Variants in ITGA6 observed in about 807,000 individuals in gnomAD.
ITGA6 encodes integrin subunit alpha 6, also known as integrin alpha-6.
In ITGA6, 63 loss-of-function variants were observed where a neutral mutation model predicts 133.6. That is an observed-to-expected ratio of 0.47 (90% CI 0.38 to 0.58). The LOEUF (loss-of-function observed/expected upper bound fraction) is 0.58, where lower values mean the gene tolerates loss of function less well. Among genes scored for constraint, ITGA6 ranks in the 20% least tolerant of loss-of-function variants. ITGA6 has a pLI of 0.00. For synonymous variants in ITGA6, 434 were observed against 482.0 expected, an observed-to-expected ratio of 0.90 and a Z score of 1.30; for missense variants, 1,068 against 1,309.4, an observed-to-expected ratio of 0.82 and a Z score of 2.85.
chr2:172,478,719 G>A (rs1686290285), intron 9 of ITGA6, among the ~76,000 whole-genome samples: 1 of 152,200 alleles, frequency 6.6e-6, no homozygotes, highest in African/African-American at 2.4e-5. Flanking sequence ...AAGTTTAAAA[G>A]TTTAAGTTTT....
chr2:172,444,602 G>A (rs148644163), intron 1 of ITGA6, among the ~76,000 whole-genome samples: 6,972 of 77,500 alleles, frequency 0.09, 308 homozygotes, highest in East Asian at 0.38. Flanking sequence ...CCCGCCCCCC[G>A]CCAAAAAAAA....
intron 11 of ITGA6, among the ~76,000 whole-genome samples, chr2:172,483,959 C>G (rs1025316538): frequency 6.6e-6 from 1 of 152,062 alleles, no homozygotes; most frequent in Non-Finnish European, 1.5e-5. Context: ...TACAGGCATG[C>G]GCCACCAAGC....
At chr2:172,481,261 T>C (rs75381315) in intron 11 of ITGA6, among the ~76,000 whole-genome samples, 12,096 of 152,302 alleles carry the variant, frequency 0.079, 679 homozygotes, top group Middle Eastern at 0.15. Context: ...ATGTCCCTTA[T>C]AATATTCCAG....
chr2:172,460,283 G>C (rs914792972), intron 1 of ITGA6, among the ~76,000 whole-genome samples: 5 of 152,212 alleles, frequency 3.3e-5, no homozygotes, highest in African/African-American at 1.2e-4. Flanking sequence ...GTAGCTGGTA[G>C]ATAGCAAGAC....
chr2:172,505,058 T>G lies in ITGA6; in HGVS notation c.*990T>G, dbSNP rs970243952. On this transcript the variant is annotated 3_prime_UTR_variant, in exon 26 of 26. Coordinates refer to ENST00000684293, the MANE Select transcript of ITGA6 (RefSeq NM_000210.4). ...ACTGCAAAAAGAAAATCTTTATAAA[T>G]GTACCAGAGAGAGTTGTTTTAATAA... 1.3e-5 allele frequency: 2 copies of G among 152,660 alleles called. No individual in the cohort carries two copies. The highest frequency in any genetic ancestry group is 2.9e-5 in the Non-Finnish European group (2 of 68,036). 9.5% of individuals were successfully genotyped at this position (152,660 alleles called of 1,614,324 possible).
At chr2:172,488,932 C>G (rs140434714) in intron 19 of ITGA6, among the ~76,000 whole-genome samples, 2 of 152,144 alleles carry the variant, frequency 1.3e-5, no homozygotes, top group Non-Finnish European at 2.9e-5. Flanking sequence ...GGAACAGTCT[C>G]GACACCAAGA....
At chr2:172,448,729 G>C (rs1684868750) in intron 1 of ITGA6, among the ~76,000 whole-genome samples, 7 of 152,160 alleles carry the variant, frequency 4.6e-5, no homozygotes. Flanking sequence ...AAAATTCCGG[G>C]CTGGATTTGT....
chr2:172,461,387 T>C (rs147530343), intron 1 of ITGA6, among the ~76,000 whole-genome samples: 1,822 of 152,346 alleles, frequency 0.012, 13 homozygotes, highest in Non-Finnish European at 0.021. Context: ...GGTTTTGAAA[T>C]GATCTTAGTT....
At chr2:172,434,569 C>T (rs970927940) in intron 1 of ITGA6, among the ~76,000 whole-genome samples, 1 of 152,112 alleles carries the variant, frequency 6.6e-6, no homozygotes, top group East Asian at 1.9e-4. Flanking sequence ...CCTAAATTGG[C>T]AGAAAGACTG....
intron 1 of ITGA6, among the ~76,000 whole-genome samples, chr2:172,441,841 A>G (rs764323655): frequency 1.1e-4 from 17 of 152,112 alleles, no homozygotes; most frequent in Non-Finnish European, 1.9e-4. Flanking sequence ...TGTGCCTACA[A>G]TTCCCTTCTT....
At chr2:172,469,463 G>C in intron 4 of ITGA6, 83 bp downstream of exon 4, 1 of 941,418 alleles carries the variant, frequency 1.1e-6, no homozygotes, top group Non-Finnish European at 1.5e-6. Context: ...GCTAAAATGT[G>C]TTAGAAGACA....
At chr2:172,436,144 T>G (rs1272133318) in intron 1 of ITGA6, among the ~76,000 whole-genome samples, 1 of 152,174 alleles carries the variant, frequency 6.6e-6, no homozygotes, top group Admixed American at 6.5e-5. Flanking sequence ...AAGACCTCCA[T>G]GACTTTACAA....
In ITGA6 at chr2:172,429,284, A is replaced by G. The variant is rs528601310; in HGVS notation, c.182+1314A>G. The stretch of plus-strand genomic sequence containing the variant: ...GCTATATGCCTGGCCAGCTGCTTAT[A>G]CTCTGCTTTCTCTCAGAAATAATTG... On this transcript the variant is annotated intron_variant, in intron 1 of 25. Transcript: ENST00000684293. Among the ~76,000 whole-genome samples the G allele has an allele frequency of 5.3e-4, 81 of 151,830 alleles. 1 individual carries two copies. The highest frequency in any genetic ancestry group is 2.9e-3 in the South Asian group (14 of 4,796).
chr2:172,462,929 A>G (rs1685493114), intron 1 of ITGA6, among the ~76,000 whole-genome samples: 1 of 152,020 alleles, frequency 6.6e-6, no homozygotes. Context: ...CTTCCCTTGC[A>G]GCCTTTGCAT....
intron 1 of ITGA6, among the ~76,000 whole-genome samples, chr2:172,439,078 T>A (rs964875498): frequency 6.6e-6 from 1 of 151,878 alleles, no homozygotes; most frequent in African/African-American, 2.4e-5. Context: ...AGCTCTAGAA[T>A]TGGGTAGTGC....
At chr2:172,463,766 C>G (rs1685531439) in intron 1 of ITGA6, among the ~76,000 whole-genome samples, 1 of 152,174 alleles carries the variant, frequency 6.6e-6, no homozygotes, top group Non-Finnish European at 1.5e-5. Flanking sequence ...CTTATCCCTT[C>G]CAGCACCCTC....
intron 13 of ITGA6, 134 bp from the exon 14 acceptor site, chr2:172,486,889 C>T (rs1686703262): frequency 7.2e-6 from 5 of 695,848 alleles, no homozygotes; most frequent in South Asian, 1.6e-5. Flanking sequence ...TGGCAAAGTA[C>T]ATTTAAAGCT....
intron 2 of ITGA6, among the ~76,000 whole-genome samples, chr2:172,466,290 T>C (rs1685668878): frequency 6.6e-6 from 1 of 152,200 alleles, no homozygotes. Context: ...CAGATTCGTG[T>C]CTATGTTCTT....
intron 20 of ITGA6, 75 bp downstream of exon 20, chr2:172,489,733 C>A (rs142401092): frequency 7.6e-7 from 1 of 1,310,766 alleles, no homozygotes; most frequent in Non-Finnish European, 1.1e-6. Flanking sequence ...AAAATCATTA[C>A]TGTTCTTAGG....
Sources: gnomAD v4.1 joint callset for allele counts (sites outside exome capture counted in the v4.1 genomes callset) on GRCh38, gnomAD v4.1.1 for gene constraint, MANE v1.5 for transcripts, NCBI Gene and HGNC (gene_info 2026-07-23, HGNC 2026-07-21) for gene names.